Variants in KRABD3 observed in about 807,000 individuals in gnomAD.
KRABD3 encodes the protein KRAB domain-containing protein 3.
chr7:149,730,455 C>T, the KRABD3 span: 14 of 1,601,444 alleles, frequency 8.7e-6, no homozygotes, highest in Non-Finnish European at 1.2e-5. Flanking sequence ...AGCTGTAAGC[C>T]TCCTGTCCCT....
At chr7:149,719,925 G>T in the KRABD3 span, 7 of 1,434,468 alleles carry the variant, frequency 4.9e-6, no homozygotes, top group Admixed American at 8.1e-5. This position sits in a 1 kb window ranked among gnomAD's most constrained non-coding sequence, Gnocchi z 5.6. Context: ...GCACAGACCT[G>T]CAGGGGCCTG....
At chr7:149,723,641 C>T in the KRABD3 span, 451 of 1,283,192 alleles carry the variant, frequency 3.5e-4, 1 homozygote, top group African/African-American at 6.3e-3. Flanking sequence ...TCAGAGTTGG[C>T]CCCACGCCCT....
At chr7:149,722,907 G>A in the KRABD3 span, 3 of 1,613,112 alleles carry the variant, frequency 1.9e-6, no homozygotes, top group African/African-American at 2.7e-5. Context: ...GCCTGGGCAC[G>A]TCCAGGCTAA....
the KRABD3 span, among the ~76,000 whole-genome samples, chr7:149,725,680 C>T: frequency 3.3e-3 from 499 of 152,366 alleles, 2 homozygotes; most frequent in South Asian, 0.012. Flanking sequence ...TCCTGCCCTA[C>T]TTCCTTCTCT....
At chr7:149,724,983 C>T in the KRABD3 span, 1 of 759,234 alleles carries the variant, frequency 1.3e-6, no homozygotes, top group Non-Finnish European at 2.0e-6. Context: ...GCAGTGAATC[C>T]CTTCATCCAC....
At chr7:149,722,813 G>A in the KRABD3 span, 9 of 1,610,254 alleles carry the variant, frequency 5.6e-6, no homozygotes, top group East Asian at 6.7e-5. Context: ...CCCTTGCAAG[G>A]CCTCATCAAC....
chr7:149,716,326 C>T, the KRABD3 span, among the ~76,000 whole-genome samples: 2 of 152,172 alleles, frequency 1.3e-5, no homozygotes, highest in African/African-American at 4.8e-5. Context: ...GGAGGCTGCC[C>T]AGTTACAAGA....
At chr7:149,720,866 A>G in the KRABD3 span, 2 of 1,603,348 alleles carry the variant, frequency 1.2e-6, no homozygotes, top group South Asian at 1.1e-5. Flanking sequence ...TGCACCTCAC[A>G]GCCCTGGTGC....
chr7:149,733,681 C>G, the KRABD3 span: 1 of 1,583,834 alleles, frequency 6.3e-7, no homozygotes, highest in East Asian at 2.3e-5. Flanking sequence ...GGACCGCTCG[C>G]CGGGCACGTC....
At chr7:149,726,549 T>G in the KRABD3 span, among the ~76,000 whole-genome samples, 1 of 151,752 alleles carries the variant, frequency 6.6e-6, no homozygotes, top group Admixed American at 6.6e-5. Flanking sequence ...GCGATTCTCC[T>G]GCCACAGTCT....
chr7:149,733,572 C>T, the KRABD3 span: 3 of 1,600,538 alleles, frequency 1.9e-6, no homozygotes, highest in Non-Finnish European at 2.6e-6. Flanking sequence ...AGACATCTGC[C>T]CTACTGGAGG....
the KRABD3 span, among the ~76,000 whole-genome samples, chr7:149,731,254 A>G: frequency 7.9e-5 from 12 of 152,212 alleles, 1 homozygote; most frequent in Admixed American, 7.9e-4. Flanking sequence ...AGCTGGCTCC[A>G]TTTACAGGCA....
chr7:149,719,667 C>G, the KRABD3 span: 1 of 1,606,350 alleles, frequency 6.2e-7, no homozygotes, highest in East Asian at 2.2e-5. This position sits in a 1 kb window ranked among gnomAD's most constrained non-coding sequence, Gnocchi z 5.6. Flanking sequence ...ACGCTGGTCT[C>G]TGTGGGTAAG....
the KRABD3 span, chr7:149,728,449 A>G: frequency 6.5e-7 from 1 of 1,536,864 alleles, no homozygotes; most frequent in Non-Finnish European, 8.8e-7. Flanking sequence ...GACACAGCAG[A>G]AGACAGGGGG....
At chr7:149,726,000 A>G in the KRABD3 span, 110 of 1,612,496 alleles carry the variant, frequency 6.8e-5, no homozygotes, top group Non-Finnish European at 9.0e-5. Context: ...ATCCAGCAGC[A>G]CCGACTGGGA....
chr7:149,731,951 T>C, the KRABD3 span, among the ~76,000 whole-genome samples: 2 of 152,266 alleles, frequency 1.3e-5, no homozygotes, highest in African/African-American at 2.4e-5. Context: ...GTTGGGATTT[T>C]CATAAAAGCA....
chr7:149,719,528 CG>C, the KRABD3 span: 2 of 1,550,950 alleles, frequency 1.3e-6, no homozygotes, highest in East Asian at 2.4e-5. This position sits in a 1 kb window ranked among gnomAD's most constrained non-coding sequence, Gnocchi z 5.6. Flanking sequence ...CCAACCCCCC[CG>C]GAGACTGTGC....
chr7:149,724,826 C>T, the KRABD3 span: 6 of 1,589,698 alleles, frequency 3.8e-6, no homozygotes, highest in Non-Finnish European at 5.1e-6. Flanking sequence ...GTCCCCCAAC[C>T]CAGCTGGGGC....
chr7:149,733,715 G>T, the KRABD3 span: 1 of 1,581,660 alleles, frequency 6.3e-7, no homozygotes, highest in South Asian at 1.2e-5. Flanking sequence ...CGCTCCCCCG[G>T]CAGAACCTCC....
Sources: allele counts gnomAD v4.1 joint callset (sites outside exome capture counted in the v4.1 genomes callset), GRCh38; gene constraint gnomAD v4.1.1; non-coding constraint Gnocchi (gnomAD v3.1); transcripts MANE v1.5; gene names NCBI Gene and HGNC (gene_info 2026-07-23, HGNC 2026-07-21).